The following LRMDA variants were observed in gnomAD, a reference collection of about 807,000 sequenced individuals.
LRMDA encodes leucine rich melanocyte differentiation associated.
Under a neutral mutation model 29.8 loss-of-function variants are expected in LRMDA, and 18 were observed. That is an observed-to-expected ratio of 0.60 (90% CI 0.42 to 0.90). The LOEUF is 0.90. LRMDA is among the 40% of genes least tolerant of loss of function. The pLI, the probability that LRMDA is intolerant of heterozygous loss-of-function variation, is 0.00. For synonymous variants in LRMDA, 125 were observed against 109.4 expected, an observed-to-expected ratio of 1.14 and a Z score of -0.89; for missense variants, 273 against 273.9, an observed-to-expected ratio of 1.00 and a Z score of 0.02.
In LRMDA at chr10:75,734,383, C is replaced by T. The variant is rs1842735577; in HGVS notation, c.131+295889C>T. On this transcript the variant is annotated intron_variant, in intron 2 of 6. Coordinates refer to ENST00000611255, the MANE Select transcript of LRMDA (RefSeq NM_001305581.2). Reference sequence around the variant, plus strand: ...CCTGACATCCCCCGCCATGTTTAGCCTCTGAGGAGGAGTGAAAAGTCACAG... The same window carrying T: ...CCTGACATCCCCCGCCATGTTTAGCTTCTGAGGAGGAGTGAAAAGTCACAG... Among the ~76,000 whole-genome samples the T allele has an allele frequency of 2.0e-5, 3 of 152,106 alleles. No homozygotes were observed. The South Asian group carries it at 6.2e-4, about 32-fold the overall frequency.
chr10:76,124,725 T>G (rs1305074174), intron 5 of LRMDA, among the ~76,000 whole-genome samples: 1 of 152,190 alleles, frequency 6.6e-6, no homozygotes, highest in Non-Finnish European at 1.5e-5. Flanking sequence ...TCTGAATTCT[T>G]TTCAGATATT....
At chr10:75,552,386 G>A (rs1011900099) in intron 2 of LRMDA, 4 of 233,658 alleles carry the variant, frequency 1.7e-5, no homozygotes, top group South Asian at 1.6e-4. Flanking sequence ...GTTGAGCAGT[G>A]CGCTGTCATT....
chr10:76,332,447 G>A, intron 6 of LRMDA, among the ~76,000 whole-genome samples: 1 of 152,162 alleles, frequency 6.6e-6, no homozygotes, highest in Non-Finnish European at 1.5e-5. Context: ...ACAGAGAAGG[G>A]CTACGAATCT....
chr10:75,744,858 C>A (rs1246072303), intron 2 of LRMDA, among the ~76,000 whole-genome samples: 5 of 152,150 alleles, frequency 3.3e-5, no homozygotes, highest in Non-Finnish European at 7.4e-5. Flanking sequence ...TATTCAGATT[C>A]AGAGCCCAGA....
intron 2 of LRMDA, among the ~76,000 whole-genome samples, chr10:75,468,658 GAGT>G (rs1844687153): frequency 6.6e-6 from 1 of 151,934 alleles, no homozygotes; most frequent in South Asian, 2.1e-4. Flanking sequence ...TTTTTCTCCA[GAGT>G]AGGTTTTCAC....
intron 2 of LRMDA, among the ~76,000 whole-genome samples, chr10:75,655,845 GT>G (rs1418292512): frequency 6.6e-6 from 1 of 152,130 alleles, no homozygotes; most frequent in Non-Finnish European, 1.5e-5. Flanking sequence ...GGATAAGGAT[GT>G]TTGGTTCAAA....
At chr10:76,398,830 G>T (rs1398007872) in intron 6 of LRMDA, among the ~76,000 whole-genome samples, 1 of 152,192 alleles carries the variant, frequency 6.6e-6, no homozygotes, top group Non-Finnish European at 1.5e-5. Context: ...TGGGAGGCCA[G>T]GAGTTCCTTA....
intron 2 of LRMDA, among the ~76,000 whole-genome samples, chr10:75,504,042 C>G (rs1845145161): frequency 7.2e-6 from 1 of 138,644 alleles, no homozygotes; most frequent in Non-Finnish European, 1.5e-5. Context: ...GAGACAGGGT[C>G]TCACTCTACC....
At chr10:76,548,107 G>A (rs894922534) in intron 6 of LRMDA, among the ~76,000 whole-genome samples, 1 of 152,106 alleles carries the variant, frequency 6.6e-6, no homozygotes, top group Non-Finnish European at 1.5e-5. Context: ...TATTCCTGTC[G>A]CCAAGGCAGT....
intron 5 of LRMDA, among the ~76,000 whole-genome samples, chr10:76,098,447 CA>C (rs1427405079): frequency 6.6e-6 from 1 of 152,154 alleles, no homozygotes; most frequent in Admixed American, 6.5e-5. Flanking sequence ...AGGGATTTGA[CA>C]ATGCCATTTA....
chr10:75,528,438 G>A (rs945882141), intron 2 of LRMDA, among the ~76,000 whole-genome samples: 2 of 152,200 alleles, frequency 1.3e-5, no homozygotes. Context: ...ACACATAGTG[G>A]ATTTTGGGAC....
chr10:76,309,505 A>G (rs1034385950), intron 5 of LRMDA, among the ~76,000 whole-genome samples: 23 of 152,214 alleles, frequency 1.5e-4, no homozygotes, highest in Admixed American at 1.1e-3. Flanking sequence ...GGCTTAAAAA[A>G]AGGCATTTAG....
chr10:76,478,914 G>A (rs1842707651), intron 6 of LRMDA, among the ~76,000 whole-genome samples: 1 of 143,358 alleles, frequency 7.0e-6, no homozygotes, highest in African/African-American at 2.6e-5. Flanking sequence ...TGGGGGAGGG[G>A]GGAGGGATAG....
intron 2 of LRMDA, among the ~76,000 whole-genome samples, chr10:75,837,418 T>C (rs1252220716): frequency 2.0e-5 from 3 of 152,200 alleles, no homozygotes; most frequent in Non-Finnish European, 4.4e-5. Flanking sequence ...TCAAACATTT[T>C]CATGTTTGTC....
chr10:75,979,454 A>G (rs1164568229), intron 2 of LRMDA, among the ~76,000 whole-genome samples: 1 of 152,194 alleles, frequency 6.6e-6, no homozygotes, highest in East Asian at 1.9e-4. Context: ...ACATGGTGCC[A>G]GGTACCATGG....
chr10:75,833,998 A>G (rs1844390747), intron 2 of LRMDA, among the ~76,000 whole-genome samples: 1 of 152,108 alleles, frequency 6.6e-6, no homozygotes, highest in South Asian at 2.1e-4. Context: ...TCTGGGCTTG[A>G]GGCTCCACCC....
At chr10:75,788,389 G>A (rs1005628051) in intron 2 of LRMDA, among the ~76,000 whole-genome samples, 26 of 152,196 alleles carry the variant, frequency 1.7e-4, no homozygotes, top group African/African-American at 6.3e-4. Context: ...TAAGGCTGGA[G>A]TTCCAGTCAT....
chr10:76,488,489 A>G (rs1842804243), intron 6 of LRMDA, among the ~76,000 whole-genome samples: 1 of 151,642 alleles, frequency 6.6e-6, no homozygotes, highest in Non-Finnish European at 1.5e-5. Context: ...GTGTGTATCA[A>G]TAGTTCATTT....
intron 6 of LRMDA, among the ~76,000 whole-genome samples, chr10:76,484,634 T>A (rs1842763817): frequency 6.6e-6 from 1 of 151,950 alleles, no homozygotes. Context: ...ATCTTTAATC[T>A]GTGATCCTGA....
Sources: allele counts gnomAD v4.1 joint callset (sites outside exome capture counted in the v4.1 genomes callset), GRCh38; gene constraint gnomAD v4.1.1; transcripts MANE v1.5; gene names NCBI Gene and HGNC (gene_info 2026-07-23, HGNC 2026-07-21).